The following SLC17A8 variants were observed in gnomAD, a reference collection of about 807,000 sequenced individuals.
SLC17A8 encodes solute carrier family 17 member 8, also known as vesicular glutamate transporter 3.
Under a neutral mutation model 58.0 loss-of-function variants are expected in SLC17A8, and 31 were observed. That is an observed-to-expected ratio of 0.53 (90% CI 0.40 to 0.72). The LOEUF is 0.72. Ranked by LOEUF, SLC17A8 falls within the 30% of genes least tolerant of loss-of-function variation. The probability of loss-of-function intolerance (pLI) is 0.00; values close to 1 mark genes in which losing one functional copy is unlikely to be tolerated. For synonymous variants in SLC17A8, 228 were observed against 249.0 expected (o/e 0.92, Z 0.79); for missense variants, 655 against 727.8 (o/e 0.90, Z 1.15).
intron 3 of SLC17A8, among the ~76,000 whole-genome samples, chr12:100,391,627 G>A (rs1020065215): frequency 1.3e-5 from 2 of 152,010 alleles, no homozygotes; most frequent in African/African-American, 4.8e-5. Context: ...TTTTTATTTC[G>A]TTTTTCATCC....
intron 9 of SLC17A8, among the ~76,000 whole-genome samples, chr12:100,407,796 C>T (rs1300320200): frequency 1.3e-5 from 2 of 151,772 alleles, no homozygotes; most frequent in Non-Finnish European, 2.9e-5. Flanking sequence ...TTAGTAGAGG[C>T]GGGGTTTCAC....
At chr12:100,367,306 T>C (rs1209914207) in intron 1 of SLC17A8, among the ~76,000 whole-genome samples, 1 of 152,184 alleles carries the variant, frequency 6.6e-6, no homozygotes, top group African/African-American at 2.4e-5. Context: ...TTCCAAATAA[T>C]AGAGATCAAA....
intron 2 of SLC17A8, among the ~76,000 whole-genome samples, chr12:100,389,322 C>T (rs1212623929): frequency 6.6e-6 from 1 of 152,082 alleles, no homozygotes; most frequent in Non-Finnish European, 1.5e-5. Flanking sequence ...AGAGAGATAA[C>T]CTACTAGAAA....
intron 9 of SLC17A8, 113 bp from the exon 10 acceptor site, chr12:100,412,657 A>T: frequency 1.3e-6 from 1 of 760,716 alleles, no homozygotes; most frequent in South Asian, 1.5e-5. Context: ...AGACACAAAC[A>T]AAATAAACTT....
intron 5 of SLC17A8, among the ~76,000 whole-genome samples, chr12:100,398,514 A>C (rs575614137): frequency 6.6e-6 from 1 of 152,316 alleles, no homozygotes; most frequent in African/African-American, 2.4e-5. Flanking sequence ...CTGATTTAAG[A>C]AATGGTTTGA....
intron 5 of SLC17A8, among the ~76,000 whole-genome samples, chr12:100,399,586 GAAGA>G (rs1593002042): frequency 1.3e-5 from 2 of 151,120 alleles, no homozygotes; most frequent in East Asian, 3.9e-4. Flanking sequence ...CATGGTGGCA[GAAGA>G]GAGAGAGAGA....
chr12:100,400,811 C>T (rs778656072), intron 5 of SLC17A8, among the ~76,000 whole-genome samples: 41 of 152,152 alleles, frequency 2.7e-4, no homozygotes, highest in Middle Eastern at 3.4e-3. Flanking sequence ...CAGAGGATAG[C>T]AGAGGTCAGC....
chr12:100,393,708 C>A (rs771264654), intron 4 of SLC17A8, among the ~76,000 whole-genome samples: 2 of 152,130 alleles, frequency 1.3e-5, no homozygotes, highest in Non-Finnish European at 2.9e-5. Flanking sequence ...GCATAATGAT[C>A]TTAGAGATAA....
rs149923650 is a variant in SLC17A8 at position 100,417,987 on chromosome 12, T to G, written c.1298-42T>G. The stretch of plus-strand genomic sequence containing the variant: ...GTATTTTCCAAAGCATATTTGAAAT[T>G]CTGTTCTTGACTCTGATTTTGAGGT... On this transcript the variant is annotated intron_variant, in intron 10 of 11. Coordinates refer to ENST00000323346, the MANE Select transcript of SLC17A8 (RefSeq NM_139319.3). 231 of 1,613,918 alleles carry G rather than the reference T, an allele frequency of 1.4e-4. 1 individual carries two copies. The African/African-American group carries it at 2.3e-3, about 16-fold the overall frequency.
intron 2 of SLC17A8, among the ~76,000 whole-genome samples, chr12:100,382,963 G>C (rs1952647710): frequency 6.6e-6 from 1 of 152,194 alleles, no homozygotes. Context: ...GTCTCTATTT[G>C]ATGCCACAGC....
At chr12:100,377,048 G>T (rs1566389823) in intron 1 of SLC17A8, among the ~76,000 whole-genome samples, 1 of 152,150 alleles carries the variant, frequency 6.6e-6, no homozygotes, top group Non-Finnish European at 1.5e-5. Context: ...GACCTCAGGT[G>T]ATCTGCCCAC....
At chr12:100,403,614 C>T (rs1952806950) in intron 8 of SLC17A8, among the ~76,000 whole-genome samples, 1 of 152,194 alleles carries the variant, frequency 6.6e-6, no homozygotes, top group South Asian at 2.1e-4. Flanking sequence ...AGATAAACCT[C>T]TTTCCTACAA....
At chr12:100,382,398 G>A (rs1234602762) in intron 2 of SLC17A8, among the ~76,000 whole-genome samples, 1 of 152,204 alleles carries the variant, frequency 6.6e-6, no homozygotes, top group East Asian at 1.9e-4. Flanking sequence ...CTGGTTTGCT[G>A]CTTAAACGAT....
chr12:100,401,084 G>A (rs980102621), intron 5 of SLC17A8, among the ~76,000 whole-genome samples: 1 of 135,748 alleles, frequency 7.4e-6, no homozygotes, highest in Non-Finnish European at 1.5e-5. Context: ...TGCAACCTCC[G>A]CCTCACGGGT....
At chr12:100,382,360 G>A (rs2135987326) in intron 2 of SLC17A8, among the ~76,000 whole-genome samples, 1 of 152,300 alleles carries the variant, frequency 6.6e-6, no homozygotes, top group East Asian at 1.9e-4. Flanking sequence ...AAATAGTATT[G>A]TTTTAGGAAT....
At chr12:100,380,390 G>A (rs966155122) in intron 1 of SLC17A8, among the ~76,000 whole-genome samples, 4 of 151,740 alleles carry the variant, frequency 2.6e-5, no homozygotes, top group African/African-American at 9.7e-5. Flanking sequence ...TCTATAAAAT[G>A]ACATGATGAC....
intron 2 of SLC17A8, among the ~76,000 whole-genome samples, chr12:100,381,578 G>A (rs1328090287): frequency 6.6e-6 from 1 of 151,414 alleles, no homozygotes; most frequent in Non-Finnish European, 1.5e-5. Flanking sequence ...CAGAGAGAGA[G>A]AGAGAGAGAG....
intron 1 of SLC17A8, among the ~76,000 whole-genome samples, chr12:100,374,725 A>G (rs748277325): frequency 7.9e-5 from 12 of 152,178 alleles, no homozygotes; most frequent in Non-Finnish European, 1.2e-4. Flanking sequence ...TATTATGCAA[A>G]GGACTCACAA....
chr12:100,399,230 C>T (rs997958143), intron 5 of SLC17A8, among the ~76,000 whole-genome samples: 4 of 152,140 alleles, frequency 2.6e-5, no homozygotes, highest in African/African-American at 9.7e-5. Flanking sequence ...ATCTGAGGCC[C>T]AGGGGACTGA....
Sources: allele counts gnomAD v4.1 joint callset (sites outside exome capture counted in the v4.1 genomes callset), GRCh38; gene constraint gnomAD v4.1.1; transcripts MANE v1.5; gene names NCBI Gene and HGNC (gene_info 2026-07-23, HGNC 2026-07-21).